XRCC4: variants seen among roughly 807,000 people sequenced by gnomAD.
XRCC4 encodes DNA repair protein XRCC4.
A neutral mutation model predicts 39.1 loss-of-function variants in XRCC4; 28 were observed. The observed-to-expected ratio is 0.72, with a 90% confidence interval of 0.53 to 0.98. The LOEUF is 0.98. Ranked by LOEUF, XRCC4 falls within the 50% of genes least tolerant of loss-of-function variation. XRCC4 has a pLI of 0.00. For missense variants in XRCC4, 350 were observed against 376.4 expected (o/e 0.93, Z 0.58); for synonymous variants, 123 against 126.4 (o/e 0.97, Z 0.18).
At chr5:83,333,770 CT>C (rs780841413) in intron 7 of XRCC4, among the ~76,000 whole-genome samples, 2,984 of 140,618 alleles carry the variant, frequency 0.021, 34 homozygotes, top group Middle Eastern at 0.06. Context: ...AGATTTAAAC[CT>C]TTTTTTTTTT....
At chr5:83,286,388 C>T (rs1754733626) in intron 7 of XRCC4, among the ~76,000 whole-genome samples, 2 of 152,088 alleles carry the variant, frequency 1.3e-5, no homozygotes, top group South Asian at 4.1e-4. Context: ...AGGAAATCCT[C>T]TACATTCATG....
chr5:83,263,306 C>T (rs986452455), intron 7 of XRCC4, among the ~76,000 whole-genome samples: 2 of 151,970 alleles, frequency 1.3e-5, no homozygotes, highest in South Asian at 2.1e-4. Flanking sequence ...AGTAAACATA[C>T]ATGTGCATGT....
At chr5:83,359,086 C>T in the XRCC4 span, among the ~76,000 whole-genome samples, 2 of 152,060 alleles carry the variant, frequency 1.3e-5, no homozygotes, top group Admixed American at 1.3e-4. Context: ...AAACATTGTT[C>T]TCCCTACTTC....
At chr5:83,292,927 T>G (rs1035363674) in intron 7 of XRCC4, among the ~76,000 whole-genome samples, 4 of 152,126 alleles carry the variant, frequency 2.6e-5, no homozygotes, top group African/African-American at 4.8e-5. Context: ...GATGACAGGA[T>G]AAAATACTCT....
chr5:83,217,466 AGTAAATTAATCCG>A (rs1751910671), intron 6 of XRCC4, among the ~76,000 whole-genome samples: 2 of 152,076 alleles, frequency 1.3e-5, no homozygotes, highest in Admixed American at 1.3e-4. Flanking sequence ...TTCATTCAAG[AGTAAATTAATCCG>A]GAGGGTAATG....
At chr5:83,138,232 G>A (rs1460087203) in intron 3 of XRCC4, among the ~76,000 whole-genome samples, 1 of 152,034 alleles carries the variant, frequency 6.6e-6, no homozygotes, top group Non-Finnish European at 1.5e-5. Flanking sequence ...CACATTATAT[G>A]TACCTATTTA....
chr5:83,351,455 C>G (rs974281914), intron 7 of XRCC4, among the ~76,000 whole-genome samples: 4 of 152,072 alleles, frequency 2.6e-5, no homozygotes, highest in Non-Finnish European at 5.9e-5. Context: ...CTAGGAGGAG[C>G]ACAAGCAACT....
chr5:83,149,136 T>G (rs566188322), intron 3 of XRCC4, among the ~76,000 whole-genome samples: 4 of 152,330 alleles, frequency 2.6e-5, no homozygotes, highest in African/African-American at 9.6e-5. Flanking sequence ...TATATTTTCA[T>G]TTCCTAATGG....
chr5:83,163,877 A>G (rs1749335670), intron 3 of XRCC4, among the ~76,000 whole-genome samples: 1 of 152,206 alleles, frequency 6.6e-6, no homozygotes, highest in South Asian at 2.1e-4. Flanking sequence ...AGCAAATTGT[A>G]TCAGAAACAT....
At chr5:83,372,211 C>G in the XRCC4 span, among the ~76,000 whole-genome samples, 2 of 152,162 alleles carry the variant, frequency 1.3e-5, no homozygotes, top group Non-Finnish European at 2.9e-5. Context: ...CAGTTGAACA[C>G]CTAGTGAATC....
chr5:83,314,097 T>A (rs1482561390), intron 7 of XRCC4, among the ~76,000 whole-genome samples: 1 of 152,108 alleles, frequency 6.6e-6, no homozygotes, highest in Admixed American at 6.6e-5. Context: ...CTCAGATATA[T>A]CCTAGCACTA....
intron 1 of XRCC4, among the ~76,000 whole-genome samples, chr5:83,078,115 C>T (rs1744753987): frequency 6.6e-6 from 1 of 152,164 alleles, no homozygotes; most frequent in Admixed American, 6.5e-5. Context: ...CTGCCGTTTG[C>T]GGACTGCAGC....
intron 7 of XRCC4, among the ~76,000 whole-genome samples, chr5:83,294,658 A>G (rs1288942880): frequency 6.6e-6 from 1 of 152,036 alleles, no homozygotes; most frequent in Non-Finnish European, 1.5e-5. Flanking sequence ...TGGTTGCCTT[A>G]TTAGTTCATA....
chr5:83,176,032 A>AAAT (rs201674012), intron 3 of XRCC4, among the ~76,000 whole-genome samples: 46 of 151,720 alleles, frequency 3.0e-4, no homozygotes, highest in South Asian at 8.3e-4. Context: ...TGTCTATATA[A>AAAT]AATAATAATA....
intron 4 of XRCC4, among the ~76,000 whole-genome samples, chr5:83,199,260 A>G (rs1408832804): frequency 2.6e-5 from 4 of 152,188 alleles, no homozygotes; most frequent in Non-Finnish European, 5.9e-5. Flanking sequence ...TCGCAGTCAG[A>G]AAATTCTTTC....
At chr5:83,240,221 G>A (rs1752853474) in intron 6 of XRCC4, among the ~76,000 whole-genome samples, 1 of 152,138 alleles carries the variant, frequency 6.6e-6, no homozygotes, top group Non-Finnish European at 1.5e-5. Context: ...CATATTCAAG[G>A]AAGGGGGAGA....
rs559388574 is a variant in XRCC4 at position 83,129,166 on chromosome 5, A to C, written c.315+17963A>C. Among the ~76,000 whole-genome samples, 180 of 147,908 alleles carry C rather than the reference A, an allele frequency of 1.2e-3. 10 individuals are homozygous for C. In the East Asian group the frequency reaches 0.03, roughly 25 times the overall value. ...TTAATTTTTGTATAAGGTGTAAGGA[A>C]GGGACCCAGTTTCAGCTTTCTACAT... On this transcript the variant is annotated intron_variant, in intron 3 of 7. Coordinates refer to ENST00000396027, the MANE Select transcript of XRCC4 (RefSeq NM_003401.5).
intron 3 of XRCC4, among the ~76,000 whole-genome samples, chr5:83,136,890 A>G (rs1285903591): frequency 6.6e-6 from 1 of 152,194 alleles, no homozygotes; most frequent in Non-Finnish European, 1.5e-5. Context: ...CATGGTGACT[A>G]TAGGTACCAA....
intron 6 of XRCC4, among the ~76,000 whole-genome samples, chr5:83,214,625 G>T (rs1257757910): frequency 6.6e-6 from 1 of 151,996 alleles, no homozygotes; most frequent in African/African-American, 2.4e-5. Context: ...AAGGTCAGGA[G>T]ATTGAGACCA....
Sources: allele counts gnomAD v4.1 joint callset (sites outside exome capture counted in the v4.1 genomes callset), GRCh38; gene constraint gnomAD v4.1.1; transcripts MANE v1.5; gene names NCBI Gene and HGNC (gene_info 2026-07-23, HGNC 2026-07-21).